The following ITPR3 variants were observed in gnomAD, a reference collection of about 807,000 sequenced individuals.
ITPR3 encodes inositol 1,4,5-trisphosphate-gated calcium channel ITPR3.
Under a neutral mutation model 293.2 loss-of-function variants are expected in ITPR3, and 173 were observed. The observed-to-expected ratio is 0.59, with a 90% CI of 0.52 to 0.67. ITPR3 has a LOEUF of 0.67. ITPR3 is among the 30% of genes least tolerant of loss of function. ITPR3 has a pLI of 0.00. For missense variants in ITPR3, 2,796 were observed against 3,592.1 expected (o/e 0.78, Z 5.66); for synonymous variants, 1,295 against 1,444.4 (o/e 0.90, Z 2.35).
rs1764223664 is a variant in ITPR3 at position 33,652,842 on chromosome 6, G to A, written c.161-2924G>A. 2.0e-5 allele frequency among the ~76,000 whole-genome samples: 3 copies of A among 152,102 alleles called. No homozygotes were observed. In the South Asian group the frequency reaches 6.2e-4, roughly 32 times the overall value. On this transcript the variant is annotated intron_variant, in intron 2 of 57. Transcript: ENST00000605930. The stretch of plus-strand genomic sequence containing the variant: ...GAGTGAGCCTGGAGCCAGGGGGAGG[G>A]AATGAGGTAGTTTAATGTCCTCAGT...
At position 33,691,841 on chromosome 6, in the gene ITPR3, T is replaced by A. The variant is rs369455041; in HGVS notation, c.7371T>A (p.Thr2457=). The change falls in exon 54 of 58, where the codon ACT becomes ACA. Residue 2457 remains threonine (T), a synonymous_variant. Coordinates refer to ENST00000605930, the MANE Select transcript of ITPR3 (RefSeq NM_002224.4). The surrounding 1 kb of genome is among the most constrained non-coding windows in gnomAD (Gnocchi z 4.9). Reference sequence around the variant, plus strand: ...ACAGCACAGAGCGGGCCTGTGACACTCTGTTGATGTGCATCGTCACTGTCA... The same window carrying A: ...ACAGCACAGAGCGGGCCTGTGACACACTGTTGATGTGCATCGTCACTGTCA... ...ELDSTERACD[T]LLMCIVTVMN... is the part of the protein sequence containing the mutation. The A allele has an allele frequency of 6.2e-7, 1 of 1,613,998 alleles. No homozygotes were observed. The highest frequency in any genetic ancestry group is 8.5e-7 in the Non-Finnish European group (1 of 1,179,976).
intron 7 of ITPR3, 50 bp from the exon 8 acceptor site, chr6:33,662,478 T>C: frequency 6.5e-7 from 1 of 1,534,570 alleles, no homozygotes; most frequent in Non-Finnish European, 8.7e-7. Context: ...GGTGGGTCCT[T>C]GAGCCTGGAG....
rs932228645 is a variant in ITPR3 at position 33,692,139 on chromosome 6, A to G, written c.7458+211A>G. Among the ~76,000 whole-genome samples, 1 of 152,242 alleles carries G rather than the reference A, an allele frequency of 6.6e-6. No homozygotes were observed. The highest frequency in any genetic ancestry group is 1.5e-5 in the Non-Finnish European group (1 of 68,042). On this transcript the variant is annotated intron_variant, in intron 54 of 57. Transcript: ENST00000605930. The surrounding 1 kb of genome is among the most constrained non-coding windows in gnomAD (Gnocchi z 4.2). ...CCCTCACCCTCCCATTCCATAAGGAAAGACTTTGGCAACCAAACTTTGCCC... is the reference window on the plus strand; with the variant it reads ...CCCTCACCCTCCCATTCCATAAGGAGAGACTTTGGCAACCAAACTTTGCCC...
In ITPR3 at chr6:33,692,964, C is replaced by T. The variant is rs889016179; in HGVS notation, c.7624+71C>T. On this transcript the variant is annotated intron_variant, in intron 55 of 57. Transcript: ENST00000605930. The surrounding 1 kb of genome is among the most constrained non-coding windows in gnomAD (Gnocchi z 4.2). Reference sequence around the variant, plus strand: ...CGTCATCTGATGCCAGTGGCAGTAGCGGTTTGGCCCTTCCTGCCCTGGGGA... The same window carrying T: ...CGTCATCTGATGCCAGTGGCAGTAGTGGTTTGGCCCTTCCTGCCCTGGGGA... 5.2e-6 allele frequency: 8 copies of T among 1,527,020 alleles called. No homozygotes were observed. In the African/African-American group the frequency reaches 6.8e-5, roughly 13 times the overall value. 94.6% of individuals were successfully genotyped at this position (1,527,020 alleles called of 1,614,324 possible).
In ITPR3 at chr6:33,685,042, G is replaced by C. The variant is rs1000269494; in HGVS notation, c.5307+99G>C. 5.7e-5 allele frequency: 78 copies of C among 1,370,214 alleles called. No homozygotes were observed. In the African/African-American group the frequency reaches 1.1e-3, roughly 18 times the overall value. 84.9% of individuals were successfully genotyped at this position (1,370,214 alleles called of 1,614,324 possible). On this transcript the variant is annotated intron_variant, in intron 39 of 57. Coordinates refer to ENST00000605930, the MANE Select transcript of ITPR3 (RefSeq NM_002224.4). ...GGGCACTGAAGGCCGAGGAGGGTGT[G>C]AAAGAGGAGAGGCCTGAGCAGTGGC...
At chr6:33,678,972 G>T in intron 30 of ITPR3, 133 bp downstream of exon 30, 1 of 910,638 alleles carries the variant, frequency 1.1e-6, no homozygotes, top group Non-Finnish European at 1.7e-6. Flanking sequence ...TGACCATGGA[G>T]GGGACGCAGA....
intron 7 of ITPR3, among the ~76,000 whole-genome samples, chr6:33,659,828 T>A (rs921994310): frequency 6.6e-6 from 1 of 151,942 alleles, no homozygotes; most frequent in African/African-American, 2.4e-5. Context: ...GGACTGGGGG[T>A]CTCCATCCCC....
At chr6:33,648,359 C>T (rs558344256) in intron 2 of ITPR3, among the ~76,000 whole-genome samples, 15 of 152,170 alleles carry the variant, frequency 9.9e-5, no homozygotes, top group Admixed American at 9.2e-4. Flanking sequence ...AGCCACAGTG[C>T]CCGGCCACTA....
chr6:33,682,383 A>G lies in ITPR3; in HGVS notation c.4477-141A>G. The G allele has an allele frequency of 1.0e-6, 1 of 977,392 alleles. No homozygotes were observed. Among genetic ancestry groups the G allele is most frequent in the Non-Finnish European group, 1.5e-6 (1 of 684,436 alleles). The allele number at this position is 977,392 out of a possible 1,614,324, so 60.5% of individuals were successfully genotyped here. A position where few individuals can be genotyped will look rare whatever the true frequency, so the allele number is the denominator to read the frequency against. Reference sequence around the variant, plus strand: ...AAGGGAATACAAGTACCTTTTTCCAACTGGCACAGAGGCACATGGTGGCTA... The same window carrying G: ...AAGGGAATACAAGTACCTTTTTCCAGCTGGCACAGAGGCACATGGTGGCTA... On this transcript the variant is annotated intron_variant, in intron 33 of 57. Transcript: ENST00000605930. This position sits in a 1 kb window ranked among gnomAD's most constrained non-coding sequence, Gnocchi z 5.4.
rs569059577 is a variant in ITPR3 at position 33,667,784 on chromosome 6, C to G, written c.1714-8C>G. On this transcript the variant is annotated splice_polypyrimidine_tract_variant and splice_region_variant and intron_variant, in intron 15 of 57. Coordinates refer to ENST00000605930, the MANE Select transcript of ITPR3 (RefSeq NM_002224.4). This position sits in a 1 kb window ranked among gnomAD's most constrained non-coding sequence, Gnocchi z 4.4. ...TCTCTGTGACCCCCAGCCTGTCTGCCCCCCCAGGAGCACATTGCCAAGCAG... is the reference window on the plus strand; with the variant it reads ...TCTCTGTGACCCCCAGCCTGTCTGCGCCCCCAGGAGCACATTGCCAAGCAG... 10 of 1,613,790 alleles carry G rather than the reference C, an allele frequency of 6.2e-6. No homozygotes were observed. Among genetic ancestry groups the G allele is most frequent in the Non-Finnish European group, 8.5e-6 (10 of 1,179,764 alleles).
At chr6:33,686,655 T>C (rs2127310514) in intron 43 of ITPR3, 136 bp downstream of exon 43, 1 of 716,886 alleles carries the variant, frequency 1.4e-6, no homozygotes, top group East Asian at 2.6e-5. Context: ...ATCATCTGGA[T>C]GCACAAGTGT....
Position 33,664,973 on chromosome 6 carries a change from C to G in ITPR3, c.1248+4C>G. On this transcript the variant is annotated splice_donor_region_variant and intron_variant, in intron 12 of 57. Transcript: ENST00000605930. This position sits in a 1 kb window ranked among gnomAD's most constrained non-coding sequence, Gnocchi z 4.4. ...GGAGCGGCCCATCCGGCTCATGGTG[C>G]GTGTCCCTGGGGTGGGGGTGGGGCT... The G allele has an allele frequency of 8.4e-6, 6 of 715,848 alleles. No individual in the cohort carries two copies. Among genetic ancestry groups the G allele is most frequent in the Non-Finnish European group, 1.4e-5 (6 of 418,706 alleles). 44.3% of individuals were successfully genotyped at this position (715,848 alleles called of 1,614,324 possible).
At position 33,691,107 on chromosome 6, in the gene ITPR3, C is replaced by T. The variant is rs1437854057; in HGVS notation, c.7223C>T (p.Thr2408Ile). ...GACCGGCTGCCCAACAACCACTCCA[C>T]AGGTCTTGGAGGCTTCCTCTCCTGG... is the stretch of plus-strand genomic sequence containing the variant. Reference protein sequence around the residue: ...EVDRLPNNHSTASPLGMPHGA... With the variant: ...EVDRLPNNHSIASPLGMPHGA... The change falls in exon 52 of 58, where the codon ACA (threonine) becomes ATA (isoleucine). Residue 2408 changes from threonine to isoleucine, a missense_variant and splice_region_variant. By Grantham distance (89) the Thr-to-Ile change is moderately conservative (BLOSUM62 -1). Around this residue, in one of 8 missense-constraint regions of ITPR3, gnomAD observed 568 missense variants for 796.1 expected, o/e 0.71. Transcript: ENST00000605930. This position sits in a 1 kb window ranked among gnomAD's most constrained non-coding sequence, Gnocchi z 4.9. 7 of 1,613,960 alleles carry T rather than the reference C, an allele frequency of 4.3e-6. No homozygotes were observed. In the South Asian group the frequency reaches 7.7e-5, roughly 18 times the overall value.
Position 33,659,489 on chromosome 6 carries a change from C to T in ITPR3, c.651C>T (p.Thr217=). 6.2e-7 allele frequency: 1 copy of T among 1,614,150 alleles called. No individual in the cohort carries two copies. Among genetic ancestry groups the T allele is most frequent in the Non-Finnish European group, 8.5e-7 (1 of 1,179,998 alleles). The change falls in exon 7 of 58, where the codon ACC becomes ACT. Residue 217 remains threonine (T), a synonymous_variant. Transcript: ENST00000605930. ...CKEVNSVNCN[T]SWKINLFMQF... ...AGGTCAATTCTGTGAACTGCAACACCAGCTGGAAGATCAACCTGTTTATGC... is the reference window on the plus strand; with the variant it reads ...AGGTCAATTCTGTGAACTGCAACACTAGCTGGAAGATCAACCTGTTTATGC...
intron 27 of ITPR3, 66 bp downstream of exon 27, chr6:33,677,155 C>A: frequency 7.0e-7 from 1 of 1,434,270 alleles, no homozygotes; most frequent in Non-Finnish European, 9.8e-7. Context: ...CTCCCGCTGG[C>A]CCGGCCCCCT....
Position 33,671,299 on chromosome 6 carries a change from C to T in ITPR3, c.2721C>T (p.Asp907=), listed in dbSNP as rs768032801. The T allele has an allele frequency of 2.5e-6, 4 of 1,611,702 alleles. No homozygotes were observed. In the African/African-American group the frequency reaches 4.0e-5, roughly 16 times the overall value. The change falls in exon 21 of 58, where the codon GAC becomes GAT. Residue 907 remains aspartate (D), a synonymous_variant. Transcript: ENST00000605930. The part of the protein sequence containing the change: ...GPPAMLQAYE[D]PGGKNVRRSI... ...CGGCCATGCTGCAGGCCTATGAGGA[C>T]CCCGGTGGTGAGGCCTTTGCCCGGC... is the stretch of plus-strand genomic sequence containing the variant.
chr6:33,684,076 C>T lies in ITPR3; in HGVS notation c.4845C>T (p.Ser1615=), dbSNP rs779817771. 48 of 1,611,540 alleles carry T rather than the reference C, an allele frequency of 3.0e-5. 1 individual carries two copies. The South Asian group carries it at 3.8e-4, about 13-fold the overall frequency. ...RLKPLVQAEL[S]VLVDVLHWPE... is the part of the protein sequence containing the mutation. ...AGCCCCTGGTACAGGCTGAGCTGTCCGTGCTGGTGGATGTCCTGCACTGGC... is the reference window on the plus strand; with the variant it reads ...AGCCCCTGGTACAGGCTGAGCTGTCTGTGCTGGTGGATGTCCTGCACTGGC... Residue 1615 remains serine (S), a synonymous_variant, in exon 36 of 58, where the codon TCC becomes TCT. Transcript: ENST00000605930. The surrounding 1 kb of genome is among the most constrained non-coding windows in gnomAD (Gnocchi z 4.2).
At chr6:33,694,706 A>G (rs1401906241) in intron 56 of ITPR3, 2 of 565,458 alleles carry the variant, frequency 3.5e-6, no homozygotes, top group Admixed American at 3.4e-5. Context: ...AACGGAAGTC[A>G]GCCTGTCTCG....
At chr6:33,634,597 A>T (rs1031574612) in intron 1 of ITPR3, among the ~76,000 whole-genome samples, 32 of 151,812 alleles carry the variant, frequency 2.1e-4, no homozygotes, top group Non-Finnish European at 4.6e-4. Flanking sequence ...TCCCCTTCTG[A>T]CCGGTCCCTC....
Sources: gnomAD v4.1 joint callset for allele counts (sites outside exome capture counted in the v4.1 genomes callset) on GRCh38, gnomAD v4.1.1 for gene constraint, gnomAD v4.1.1 regional missense constraint, Gnocchi (gnomAD v3.1) non-coding constraint, MANE v1.5 for transcripts, NCBI Gene and HGNC (gene_info 2026-07-23, HGNC 2026-07-21) for gene names.